Variants in SLC1A3 observed in about 807,000 individuals in gnomAD.
SLC1A3 encodes excitatory amino acid transporter 1.
SLC1A3 carries 21 observed loss-of-function variants against 48.1 expected under a neutral mutation model. The ratio of observed to expected loss-of-function variants is 0.44; its 90% confidence interval spans 0.31 to 0.63. The LOEUF (loss-of-function observed/expected upper bound fraction) is 0.63, where lower values mean the gene tolerates loss of function less well. Ranked by LOEUF, SLC1A3 falls within the 20% of genes least tolerant of loss-of-function variation. The pLI, the probability that SLC1A3 is intolerant of heterozygous loss-of-function variation, is 0.08. For synonymous variants in SLC1A3, 239 were observed against 251.4 expected, an observed-to-expected ratio of 0.95 and a Z score of 0.47; for missense variants, 546 against 689.0, an observed-to-expected ratio of 0.79 and a Z score of 2.32.
intron 3 of SLC1A3, among the ~76,000 whole-genome samples, chr5:36,641,921 T>C (rs545751156): frequency 6.6e-6 from 1 of 152,364 alleles, no homozygotes; most frequent in South Asian, 2.1e-4. Context: ...TAAAAGCTAT[T>C]AAATCTAAGC....
chr5:36,626,888 A>G (rs552055268), intron 2 of SLC1A3, among the ~76,000 whole-genome samples: 5 of 152,344 alleles, frequency 3.3e-5, no homozygotes, highest in Admixed American at 2.6e-4. Flanking sequence ...AAAGTTAAAT[A>G]TTTTAAAACA....
chr5:36,671,444 G>A (rs1315198957), intron 4 of SLC1A3, among the ~76,000 whole-genome samples: 1 of 152,182 alleles, frequency 6.6e-6, no homozygotes, highest in African/African-American at 2.4e-5. Flanking sequence ...AGCAAGGAGA[G>A]GATATGGATT....
chr5:36,655,426 T>C (rs1741248058), intron 3 of SLC1A3, among the ~76,000 whole-genome samples: 1 of 152,196 alleles, frequency 6.6e-6, no homozygotes, highest in South Asian at 2.1e-4. Context: ...TTCACCCCGT[T>C]TCTGCTGACT....
chr5:36,659,522 G>A (rs1741421355), intron 3 of SLC1A3, among the ~76,000 whole-genome samples: 1 of 152,216 alleles, frequency 6.6e-6, no homozygotes, highest in Non-Finnish European at 1.5e-5. Flanking sequence ...CATTTGCCAA[G>A]AGAGTGAGGG....
At chr5:36,605,012 A>G (rs1738876249), upstream of SLC1A3, among the ~76,000 whole-genome samples, 1 of 152,006 alleles carries the variant, frequency 6.6e-6, no homozygotes, top group Non-Finnish European at 1.5e-5. Context: ...AAATGGCTCC[A>G]TGCACCTAAA....
At chr5:36,621,299 C>T (rs905240865) in intron 2 of SLC1A3, among the ~76,000 whole-genome samples, 1 of 152,098 alleles carries the variant, frequency 6.6e-6, no homozygotes, top group African/African-American at 2.4e-5. Flanking sequence ...AAAGGGGGAT[C>T]CTGTCTAAGA....
At chr5:36,603,156 G>A (rs1427282442), upstream of SLC1A3, among the ~76,000 whole-genome samples, 4 of 152,114 alleles carry the variant, frequency 2.6e-5, no homozygotes, top group African/African-American at 4.8e-5. Context: ...TTGTAAATTC[G>A]GCCCCTACTG....
intron 2 of SLC1A3, among the ~76,000 whole-genome samples, chr5:36,629,189 G>T (rs1380711917): frequency 6.6e-6 from 1 of 152,048 alleles, no homozygotes; most frequent in Non-Finnish European, 1.5e-5. Flanking sequence ...CTGCATTCAA[G>T]TTAGACAAAG....
intron 6 of SLC1A3, among the ~76,000 whole-genome samples, chr5:36,677,481 A>C (rs1269032639): frequency 6.6e-6 from 1 of 152,204 alleles, no homozygotes; most frequent in Non-Finnish European, 1.5e-5. Context: ...TTCAAGACAT[A>C]ATTATTGAGT....
chr5:36,602,013 T>G (rs972470104), upstream of SLC1A3, among the ~76,000 whole-genome samples: 2 of 152,094 alleles, frequency 1.3e-5, no homozygotes, highest in African/African-American at 4.8e-5. Flanking sequence ...CAGGGAGAAT[T>G]GCAGCACAAA....
At chr5:36,683,147 C>T (rs532029658) in intron 8 of SLC1A3, among the ~76,000 whole-genome samples, 3 of 152,330 alleles carry the variant, frequency 2.0e-5, no homozygotes, top group Non-Finnish European at 2.9e-5. Context: ...TTACAACCCT[C>T]CACTTGGATA....
At chr5:36,655,462 G>A (rs541824998) in intron 3 of SLC1A3, among the ~76,000 whole-genome samples, 1 of 152,262 alleles carries the variant, frequency 6.6e-6, no homozygotes, top group South Asian at 2.1e-4. Context: ...GCTGCTTACT[G>A]CAGTTCATAG....
chr5:36,609,233 T>A, intron 2 of SLC1A3: 1 of 965,812 alleles, frequency 1.0e-6, no homozygotes, highest in Non-Finnish European at 1.2e-6. Flanking sequence ...CTTACTAATT[T>A]AGCAGGGTTG....
intron 2 of SLC1A3, among the ~76,000 whole-genome samples, chr5:36,623,720 C>T (rs894027317): frequency 3.3e-5 from 5 of 151,322 alleles, no homozygotes; most frequent in African/African-American, 1.2e-4. Flanking sequence ...AAAAATTAGC[C>T]ATGCATGGTG....
chr5:36,645,320 T>C (rs1579990800), intron 3 of SLC1A3, among the ~76,000 whole-genome samples: 2 of 15,040 alleles, frequency 1.3e-4, no homozygotes, highest in East Asian at 2.4e-3. Context: ...TTCCGCTGCC[T>C]TTTTTTTTTT....
rs566725796 is a variant in SLC1A3 at position 36,645,717 on chromosome 5, G to A, written c.319+16130G>A. The stretch of plus-strand genomic sequence containing the variant: ...AACCATTCTCAGTAATTTTGGGGTT[G>A]TTTCATTCGTCTTTATTTGGACGAG... On this transcript the variant is annotated intron_variant, in intron 3 of 9. Transcript: ENST00000265113. 1.9e-4 allele frequency among the ~76,000 whole-genome samples: 29 copies of A among 152,268 alleles called. 1 individual carries two copies. In the South Asian group the frequency reaches 6.0e-3, roughly 32 times the overall value.
chr5:36,655,075 A>T (rs891954697), intron 3 of SLC1A3, among the ~76,000 whole-genome samples: 42 of 152,156 alleles, frequency 2.8e-4, no homozygotes, highest in African/African-American at 1.0e-3. Context: ...AGTAATAAAC[A>T]TGTTTGTTGT....
At position 36,608,529 on chromosome 5, in the gene SLC1A3, A is replaced by G. The variant is rs776251668; in HGVS notation, c.106A>G (p.Ile36Val). ...TLLAKKKVQN[I>V]TKEDVKSYLF... The stretch of plus-strand genomic sequence containing the variant: ...TTTGGCCAAGAAGAAAGTGCAGAAC[A>G]TTACAAAGGAGGATGTTAAAAGTTA... The change falls in exon 2 of 10, where the codon ATT becomes GTT. Residue 36 changes from isoleucine to valine, a missense_variant. Physicochemically the swap from Ile to Val is conservative, Grantham distance 29. This residue lies in a region of SLC1A3 where 348 missense variants were observed against 392.0 expected (regional missense o/e 0.89). Coordinates refer to ENST00000265113, the MANE Select transcript of SLC1A3 (RefSeq NM_004172.5). 5 of 1,614,110 alleles carry G rather than the reference A, an allele frequency of 3.1e-6. No homozygotes were observed. Among genetic ancestry groups the G allele is most frequent in the Non-Finnish European group, 4.2e-6 (5 of 1,179,934 alleles).
intron 3 of SLC1A3, among the ~76,000 whole-genome samples, chr5:36,663,009 C>A (rs1012072576): frequency 6.6e-6 from 1 of 152,108 alleles, no homozygotes; most frequent in African/African-American, 2.4e-5. Flanking sequence ...TCATTGCTTC[C>A]GAATTAAAGT....
Sources: allele counts gnomAD v4.1 joint callset (sites outside exome capture counted in the v4.1 genomes callset), GRCh38; gene constraint gnomAD v4.1.1; regional missense constraint gnomAD v4.1.1; transcripts MANE v1.5; gene names NCBI Gene and HGNC (gene_info 2026-07-23, HGNC 2026-07-21).